RIMS2: variants seen among roughly 807,000 people sequenced by gnomAD.
RIMS2 encodes regulating synaptic membrane exocytosis protein 2.
Under a neutral mutation model 174.4 loss-of-function variants are expected in RIMS2, and 59 were observed. That is an observed-to-expected ratio of 0.34 (90% CI 0.27 to 0.42). RIMS2 has a LOEUF of 0.42. Among genes scored for constraint, RIMS2 ranks in the 10% least tolerant of loss-of-function variants. The pLI, the probability that RIMS2 is intolerant of heterozygous loss-of-function variation, is 1.00. For missense variants in RIMS2, 1,620 were observed against 1,666.3 expected (o/e 0.97, Z 0.48); for synonymous variants, 606 against 572.5 (o/e 1.06, Z -0.84).
chr8:103,541,649 T>C (rs1587203090), intron 1 of RIMS2, among the ~76,000 whole-genome samples: 2 of 152,242 alleles, frequency 1.3e-5, no homozygotes, highest in East Asian at 3.8e-4. Flanking sequence ...CACAGTCAGA[T>C]TCAGAATACT....
intron 14 of RIMS2, among the ~76,000 whole-genome samples, chr8:103,954,772 CAG>C (rs2086604668): frequency 6.6e-6 from 1 of 151,842 alleles, no homozygotes; most frequent in South Asian, 2.1e-4. Context: ...CTGAAGGAGA[CAG>C]AGACACGAAA....
chr8:103,664,116 T>C (rs1554723732), intron 1 of RIMS2, among the ~76,000 whole-genome samples: 2 of 152,128 alleles, frequency 1.3e-5, no homozygotes, highest in African/African-American at 4.8e-5. Flanking sequence ...TTACACAGTA[T>C]AAAAAATTAA....
In RIMS2 at chr8:104,125,412, TATATC is replaced by T. The variant is rs1464608664; in HGVS notation, c.3334+110799_3334+110803del. 9.2e-5 allele frequency among the ~76,000 whole-genome samples: 14 copies of T among 152,182 alleles called. No homozygotes were observed. In the East Asian group the frequency reaches 1.3e-3, roughly 15 times the overall value. On this transcript the variant is annotated intron_variant, in intron 19 of 23. Coordinates refer to ENST00000504942, the Ensembl canonical transcript of RIMS2. Reference sequence around the variant, plus strand: ...CTTTAATCTGGATAATCATAGTACTTATATCAGATTCTTTATGAGGTTTAAATTAG... The same window carrying T: ...CTTTAATCTGGATAATCATAGTACTTAGATTCTTTATGAGGTTTAAATTAG...
At chr8:104,100,108 A>G (rs935647885) in intron 19 of RIMS2, among the ~76,000 whole-genome samples, 3 of 152,174 alleles carry the variant, frequency 2.0e-5, no homozygotes, top group African/African-American at 7.2e-5. Context: ...GGTGTAAGCC[A>G]CCATACCCAG....
intron 15 of RIMS2, among the ~76,000 whole-genome samples, chr8:103,967,246 C>T (rs1258887869): frequency 2.4e-5 from 3 of 123,920 alleles, no homozygotes; most frequent in Admixed American, 2.1e-4. Flanking sequence ...TGCAACAGTG[C>T]GATCTTGGCT....
At chr8:104,155,240 G>A (rs1174932457) in intron 19 of RIMS2, among the ~76,000 whole-genome samples, 1 of 151,350 alleles carries the variant, frequency 6.6e-6, no homozygotes, top group African/African-American at 2.4e-5. Flanking sequence ...CCAAGTAGCT[G>A]GGACTACAGG....
chr8:104,200,704 G>A (rs2099050416), intron 19 of RIMS2, among the ~76,000 whole-genome samples: 1 of 152,118 alleles, frequency 6.6e-6, no homozygotes, highest in African/African-American at 2.4e-5. Flanking sequence ...CCAGGACTTG[G>A]AGACCAGCCT....
intron 3 of RIMS2, among the ~76,000 whole-genome samples, chr8:103,854,729 A>G (rs1004498831): frequency 3.3e-5 from 5 of 151,808 alleles, no homozygotes; most frequent in Non-Finnish European, 7.4e-5. Context: ...TGGTTGTGGT[A>G]TATTAACTTT....
intron 1 of RIMS2, among the ~76,000 whole-genome samples, chr8:103,611,130 G>T (rs922450911): frequency 6.6e-6 from 1 of 151,524 alleles, no homozygotes; most frequent in African/African-American, 2.4e-5. Flanking sequence ...TGTAGTAGTA[G>T]TCCCTGAGGG....
At chr8:103,797,236 T>G (rs185801676) in intron 3 of RIMS2, among the ~76,000 whole-genome samples, 2 of 152,272 alleles carry the variant, frequency 1.3e-5, no homozygotes, top group Admixed American at 1.3e-4. Flanking sequence ...CCTGTATGTT[T>G]TTCTAGCAAG....
chr8:103,957,060 A>T (rs375081763), intron 14 of RIMS2, among the ~76,000 whole-genome samples: 17 of 152,242 alleles, frequency 1.1e-4, no homozygotes, highest in African/African-American at 3.9e-4. Context: ...GTACCATCTC[A>T]TGCCAGTTAG....
chr8:104,044,145 C>A (rs1372985937), intron 19 of RIMS2, among the ~76,000 whole-genome samples: 2 of 151,510 alleles, frequency 1.3e-5, no homozygotes, highest in Non-Finnish European at 3.0e-5. Context: ...AATGAACGTT[C>A]TCTGATGAAG....
chr8:103,603,386 C>T (rs1436794612), intron 1 of RIMS2, among the ~76,000 whole-genome samples: 1 of 149,906 alleles, frequency 6.7e-6, no homozygotes, highest in African/African-American at 2.5e-5. Context: ...TTTTCTTAAT[C>T]CAGTCTATCA....
exon 14 of RIMS2, chr8:103,942,867 C>A (rs764351498): frequency 6.2e-7 from 1 of 1,613,626 alleles, no homozygotes; most frequent in Non-Finnish European, 8.5e-7. Context: ...CTTCCCCACC[C>A]TTCTCCATAT....
At chr8:103,783,356 G>T (rs1359025425) in intron 3 of RIMS2, among the ~76,000 whole-genome samples, 3 of 149,776 alleles carry the variant, frequency 2.0e-5, no homozygotes, top group Non-Finnish European at 4.4e-5. Context: ...TGCCATGCTG[G>T]TGCGCTGCAC....
intron 19 of RIMS2, among the ~76,000 whole-genome samples, chr8:104,113,680 A>G (rs2098233074): frequency 6.6e-6 from 1 of 151,720 alleles, no homozygotes; most frequent in African/African-American, 2.4e-5. Context: ...GATTACATAC[A>G]TATATATATC....
intron 4 of RIMS2, among the ~76,000 whole-genome samples, chr8:103,907,990 C>T (rs1327306058): frequency 6.6e-5 from 10 of 151,684 alleles, no homozygotes; most frequent in Admixed American, 2.0e-4. Context: ...CCTCGAGATC[C>T]GCCCGCCTCG....
At chr8:103,990,143 T>C (rs1267184879) in intron 17 of RIMS2, among the ~76,000 whole-genome samples, 1 of 152,106 alleles carries the variant, frequency 6.6e-6, no homozygotes, top group African/African-American at 2.4e-5. Context: ...TTCAAAGATA[T>C]GATAAAATAA....
At chr8:104,090,192 G>A (rs1484012896) in intron 19 of RIMS2, among the ~76,000 whole-genome samples, 4 of 151,514 alleles carry the variant, frequency 2.6e-5, no homozygotes, top group Non-Finnish European at 5.9e-5. Context: ...CTATTATAAC[G>A]CTGTGAAAAA....
Sources: gnomAD v4.1 joint callset for allele counts (sites outside exome capture counted in the v4.1 genomes callset) on GRCh38, gnomAD v4.1.1 for gene constraint, MANE v1.5 for transcripts, NCBI Gene and HGNC (gene_info 2026-07-23, HGNC 2026-07-21) for gene names.